KHDRBS3: variants seen among roughly 807,000 people sequenced by gnomAD.
KHDRBS3 encodes KH RNA binding domain containing, signal transduction associated 3.
Under a neutral mutation model 45.6 loss-of-function variants are expected in KHDRBS3, and 23 were observed. That is an observed-to-expected ratio of 0.50 (90% confidence interval 0.36 to 0.72). KHDRBS3 has a LOEUF of 0.72. Ranked by LOEUF, KHDRBS3 falls within the 30% of genes least tolerant of loss-of-function variation. The pLI is 0.00. For missense variants in KHDRBS3, 352 were observed against 424.8 expected (o/e 0.83, Z 1.51); for synonymous variants, 162 against 156.5 (o/e 1.04, Z -0.26).
intron 6 of KHDRBS3, among the ~76,000 whole-genome samples, chr8:135,584,475 G>A (rs1049822482): frequency 3.3e-5 from 5 of 152,192 alleles, no homozygotes; most frequent in African/African-American, 1.2e-4. Context: ...AAACGTTATA[G>A]CTTTCCCACT....
intron 7 of KHDRBS3, among the ~76,000 whole-genome samples, chr8:135,622,087 C>T (rs976674397): frequency 4.6e-5 from 7 of 152,272 alleles, no homozygotes; most frequent in African/African-American, 1.4e-4. Flanking sequence ...TACATGCTCT[C>T]ATAATACCCA....
intron 5 of KHDRBS3, among the ~76,000 whole-genome samples, chr8:135,568,713 C>T (rs1827550354): frequency 1.3e-5 from 2 of 152,164 alleles, no homozygotes; most frequent in Admixed American, 6.5e-5. Context: ...AACATGTGCT[C>T]TCTGAAACAA....
intron 6 of KHDRBS3, among the ~76,000 whole-genome samples, chr8:135,589,477 T>C (rs1828639904): frequency 6.6e-6 from 1 of 152,172 alleles, no homozygotes; most frequent in Admixed American, 6.5e-5. Context: ...CTATCCCAAT[T>C]GCCGTCCCTT....
chr8:135,605,479 T>A (rs1009915158), intron 6 of KHDRBS3, among the ~76,000 whole-genome samples: 5 of 152,154 alleles, frequency 3.3e-5, no homozygotes, highest in Admixed American at 1.3e-4. Context: ...TTATTTTGGT[T>A]CTTTTTTATG....
In KHDRBS3 at chr8:135,548,856, A is replaced by G; in HGVS notation, c.427A>G (p.Arg143Gly). Residue 143 changes from arginine (R) to glycine (G), a missense_variant, in exon 4 of 9, where the codon AGG (arginine) becomes GGG (glycine). Arg to Gly is a moderately radical substitution (Grantham distance 125). Around this residue, in one of 6 missense-constraint regions of KHDRBS3, gnomAD observed 46 missense variants for 45.9 expected, o/e 1.00. Transcript: ENST00000355849. ...VFAPPAEAYA[R>G]MGHALEEIKK... ...TGCCCCACCTGCAGAAGCTTATGCC[A>G]GGATGGGACATGCTTTGGAAGAAAT... 6.2e-7 allele frequency: 1 copy of G among 1,601,708 alleles called. No homozygotes were observed. The highest frequency in any genetic ancestry group is 1.1e-5 in the South Asian group (1 of 88,504).
At chr8:135,545,056 A>C (rs1563757403) in intron 3 of KHDRBS3, among the ~76,000 whole-genome samples, 4 of 152,030 alleles carry the variant, frequency 2.6e-5, no homozygotes, top group African/African-American at 9.7e-5. Flanking sequence ...AAAATGTCCG[A>C]GATCCTTGCT....
At chr8:135,590,521 A>C (rs1299376249) in intron 6 of KHDRBS3, among the ~76,000 whole-genome samples, 1 of 152,292 alleles carries the variant, frequency 6.6e-6, no homozygotes, top group African/African-American at 2.4e-5. Flanking sequence ...CAGCGGTTTG[A>C]GTATGTTTGT....
chr8:135,480,608 G>T (rs1196561873), intron 1 of KHDRBS3, among the ~76,000 whole-genome samples: 1 of 151,970 alleles, frequency 6.6e-6, no homozygotes, highest in East Asian at 1.9e-4. Flanking sequence ...ATACTTGAAT[G>T]AATGCTTATT....
Position 135,481,802 on chromosome 8 carries a change from G to A in KHDRBS3, c.88+23848G>A, listed in dbSNP as rs1234430448. 2.0e-5 allele frequency among the ~76,000 whole-genome samples: 3 copies of A among 152,154 alleles called. No homozygotes were observed. In the East Asian group the frequency reaches 5.8e-4, roughly 29 times the overall value. On this transcript the variant is annotated intron_variant, in intron 1 of 8. Transcript: ENST00000355849. The stretch of plus-strand genomic sequence containing the variant: ...AGTGGGGCCTTCTAAATCATATTTT[G>A]TAGTAAGTTCTGTTAAGATAATTGG...
intron 1 of KHDRBS3, among the ~76,000 whole-genome samples, chr8:135,487,663 A>T (rs1007540776): frequency 1.3e-5 from 2 of 152,154 alleles, no homozygotes; most frequent in African/African-American, 4.8e-5. Context: ...TGTAAATGGG[A>T]TGGAAGGAGA....
chr8:135,559,084 T>A (rs1827039967), intron 5 of KHDRBS3, among the ~76,000 whole-genome samples: 1 of 152,260 alleles, frequency 6.6e-6, no homozygotes, highest in Non-Finnish European at 1.5e-5. Context: ...TAATCCAGAG[T>A]AATCTTTCCA....
intron 7 of KHDRBS3, among the ~76,000 whole-genome samples, chr8:135,608,009 A>G (rs934768059): frequency 6.6e-6 from 1 of 152,196 alleles, no homozygotes; most frequent in Non-Finnish European, 1.5e-5. Context: ...GGAAGCCTGT[A>G]TATCGTGTTT....
At chr8:135,545,296 A>G (rs189506538) in intron 3 of KHDRBS3, among the ~76,000 whole-genome samples, 10 of 152,252 alleles carry the variant, frequency 6.6e-5, no homozygotes, top group African/African-American at 2.4e-4. Context: ...GAAGCATGAG[A>G]ATTGTCATCT....
chr8:135,586,163 TATA>T (rs1828462597), intron 6 of KHDRBS3, among the ~76,000 whole-genome samples: 2 of 152,142 alleles, frequency 1.3e-5, no homozygotes, highest in Non-Finnish European at 2.9e-5. Flanking sequence ...ACGTTTTCCT[TATA>T]ACCACCTACT....
At chr8:135,651,727 C>T (rs117438251), downstream of KHDRBS3, among the ~76,000 whole-genome samples, 77 of 152,316 alleles carry the variant, frequency 5.1e-4, no homozygotes, top group Non-Finnish European at 9.4e-4. Flanking sequence ...AATAGTTGCT[C>T]TCACTTTTTC....
intron 6 of KHDRBS3, among the ~76,000 whole-genome samples, chr8:135,585,229 A>AG (rs1372663617): frequency 5.3e-5 from 1 of 19,042 alleles, no homozygotes; most frequent in Non-Finnish European, 1.3e-4. Context: ...ACTCCGTCTC[A>AG]AAAAAAAAAA....
chr8:135,521,072 G>C (rs1477504423), intron 1 of KHDRBS3, among the ~76,000 whole-genome samples, 165 bp from the exon 2 acceptor site: 3 of 152,164 alleles, frequency 2.0e-5, no homozygotes, highest in Non-Finnish European at 1.5e-5. Context: ...TTCCATTTAT[G>C]AAGAATCATT....
At chr8:135,642,510 T>A (rs1831103809) in intron 7 of KHDRBS3, among the ~76,000 whole-genome samples, 1 of 152,222 alleles carries the variant, frequency 6.6e-6, no homozygotes, top group Admixed American at 6.5e-5. Context: ...GACCATTTTT[T>A]AAAACTCTGT....
chr8:135,643,568 G>A (rs1480584566), intron 7 of KHDRBS3, among the ~76,000 whole-genome samples: 1 of 152,192 alleles, frequency 6.6e-6, no homozygotes, highest in Non-Finnish European at 1.5e-5. Flanking sequence ...ATGCCCACAT[G>A]TTTGAGATAA....
Sources: gnomAD v4.1 joint callset for allele counts (sites outside exome capture counted in the v4.1 genomes callset) on GRCh38, gnomAD v4.1.1 for gene constraint, gnomAD v4.1.1 regional missense constraint, MANE v1.5 for transcripts, NCBI Gene and HGNC (gene_info 2026-07-23, HGNC 2026-07-21) for gene names.